SPATA31E1: variants seen among roughly 807,000 people sequenced by gnomAD.
SPATA31E1 encodes SPATA31 subfamily E member 1, also known as spermatogenesis-associated protein 31E1.
SPATA31E1 carries 7 observed loss-of-function variants against 12.9 expected under a neutral mutation model. That is an observed-to-expected ratio of 0.54 (90% CI 0.31 to 1.02). SPATA31E1 has a LOEUF of 1.02. Among genes scored for constraint, SPATA31E1 ranks in the 50% least tolerant of loss-of-function variants. SPATA31E1 has a pLI of 0.05. For missense variants in SPATA31E1, 1,961 were observed against 1,799.8 expected, an observed-to-expected ratio of 1.09 and a Z score of -1.62; for synonymous variants, 771 against 719.0, an observed-to-expected ratio of 1.07 and a Z score of -1.16.
rs781686051 is a variant in SPATA31E1 at position 87,885,981 on chromosome 9, C to T, written c.1494C>T (p.His498=). ...SQLSQAPPQP[H]HMAQPQHFTP... ...TTTCCCAGGCACCGCCCCAGCCCCA[C>T]CACATGGCCCAGCCCCAACATTTCA... The change falls in exon 4 of 4, where the codon CAC becomes CAT. Residue 498 remains histidine, a synonymous_variant. Transcript: ENST00000325643. 3.7e-6 allele frequency: 6 copies of T among 1,613,266 alleles called. No individual in the cohort carries two copies. The highest frequency in any genetic ancestry group is 1.3e-5 in the African/African-American group (1 of 75,002).
chr9:87,888,853 TG>T lies in SPATA31E1; in HGVS notation c.*33del, dbSNP rs776189904. 2.6e-6 allele frequency: 4 copies of T among 1,544,660 alleles called. No individual in the cohort carries two copies. Among genetic ancestry groups the T allele is most frequent in the South Asian group, 1.2e-5 (1 of 83,692 alleles). ...TAGACCAGTCTTCTTGCATGTCTCC[TG>T]GGGGAGACAGGGGGTTCTACTCAAA... On this transcript the variant is annotated 3_prime_UTR_variant, in exon 4 of 4. Transcript: ENST00000325643.
At position 87,888,863 on chromosome 9, in the gene SPATA31E1, A is replaced by G. The variant is rs766112235; in HGVS notation, c.*38A>G. ...TTCTTGCATGTCTCCTGGGGGAGAC[A>G]GGGGGTTCTACTCAAATAAAACTGA... On this transcript the variant is annotated 3_prime_UTR_variant, in exon 4 of 4. Coordinates refer to ENST00000325643, the MANE Select transcript of SPATA31E1 (RefSeq NM_178828.5). 5 of 1,530,512 alleles carry G rather than the reference A, an allele frequency of 3.3e-6. No individual in the cohort carries two copies. Among genetic ancestry groups the G allele is most frequent in the Non-Finnish European group, 4.4e-6 (5 of 1,143,838 alleles). The allele number at this position is 1,530,512 out of a possible 1,614,324, so 94.8% of individuals were successfully genotyped here. A position where few individuals can be genotyped will look rare whatever the true frequency, so the allele number is the denominator to read the frequency against.
Position 87,888,879 on chromosome 9 carries a change from A to G in SPATA31E1, c.*54A>G, listed in dbSNP as rs911902116. The G allele has an allele frequency of 3.4e-6, 5 of 1,477,696 alleles. No homozygotes were observed. Among genetic ancestry groups the G allele is most frequent in the Non-Finnish European group, 3.6e-6 (4 of 1,112,272 alleles). The allele number at this position is 1,477,696 out of a possible 1,614,324, so 91.5% of individuals were successfully genotyped here. On this transcript the variant is annotated 3_prime_UTR_variant, in exon 4 of 4. Transcript: ENST00000325643. ...GGGGGAGACAGGGGGTTCTACTCAAATAAAACTGATGCCTACACAATAAAC... is the reference window on the plus strand; with the variant it reads ...GGGGGAGACAGGGGGTTCTACTCAAGTAAAACTGATGCCTACACAATAAAC...
At position 87,888,771 on chromosome 9, in the gene SPATA31E1, C is replaced by T. The variant is rs1284804037; in HGVS notation, c.4284C>T (p.Gly1428=). 6 of 1,612,652 alleles carry T rather than the reference C, an allele frequency of 3.7e-6. No individual in the cohort carries two copies. In the South Asian group the frequency reaches 5.5e-5, roughly 15 times the overall value. Reference sequence around the variant, plus strand: ...CAAGAATGGCAAGCACCTCGGGCGGCCCCCATCCACAGCTGCAGGAACTGA... The same window carrying T: ...CAAGAATGGCAAGCACCTCGGGCGGTCCCCATCCACAGCTGCAGGAACTGA... ...HRPRMASTSG[G]PHPQLQELMS... is the part of the protein sequence containing the mutation. Residue 1428 remains glycine, a synonymous_variant, in exon 4 of 4, where the codon GGC becomes GGT. Coordinates refer to ENST00000325643, the MANE Select transcript of SPATA31E1 (RefSeq NM_178828.5).
At position 87,886,243 on chromosome 9, in the gene SPATA31E1, A is replaced by C. The variant is rs35232271; in HGVS notation, c.1756A>C (p.Lys586Gln). The C allele has an allele frequency of 6.2e-7, 1 of 1,613,850 alleles. No individual in the cohort carries two copies. The highest frequency in any genetic ancestry group is 8.5e-7 in the Non-Finnish European group (1 of 1,179,992). The change falls in exon 4 of 4, where the codon AAA becomes CAA. Residue 586 changes from lysine to glutamine, a missense_variant. Lys to Gln is a moderately conservative substitution (Grantham distance 53). Transcript: ENST00000325643. ...GAAGAGGGTTTTGCCCTCTCTCCTC[A>C]AAAAGTCTCAGGCTGTTCTGAGCCA... ...KWKRVLPSLL[K>Q]KSQAVLSQPT... is the part of the protein sequence containing the mutation.
Position 87,886,514 on chromosome 9 carries a change from T to C in SPATA31E1, c.2027T>C (p.Leu676Ser). 6.2e-7 allele frequency: 1 copy of C among 1,613,798 alleles called. No homozygotes were observed. The highest frequency in any genetic ancestry group is 1.1e-5 in the South Asian group (1 of 91,076). ...GCAGAAGACACGCAGCAGGCCCTCT[T>C]GCCCTCCCAGCCTTCTGACTTTGCA... ...SQAEDTQQAL[L>S]PSQPSDFAGK... is the part of the protein sequence containing the mutation. Residue 676 changes from leucine to serine, a missense_variant, in exon 4 of 4, where the codon TTG (leucine) becomes TCG (serine). Physicochemically the swap from Leu to Ser is moderately radical, Grantham distance 145 (BLOSUM62 -2). Coordinates refer to ENST00000325643, the MANE Select transcript of SPATA31E1 (RefSeq NM_178828.5).
Position 87,888,011 on chromosome 9 carries a change from G to A in SPATA31E1, c.3524G>A (p.Gly1175Glu). Residue 1175 changes from glycine (G) to glutamate (E), a missense_variant, in exon 4 of 4, where the codon GGG becomes GAG. Gly to Glu is a moderately conservative substitution (Grantham distance 98). Coordinates refer to ENST00000325643, the MANE Select transcript of SPATA31E1 (RefSeq NM_178828.5). The stretch of plus-strand genomic sequence containing the variant: ...CCATGTGCCCTCCTATGGAAGGGAG[G>A]GGACAGTCCAGGGCAGCAGGAGCCT... Reference protein sequence around the residue: ...QGPCALLWKGGDSPGQQEPGS... With the variant: ...QGPCALLWKGEDSPGQQEPGS... 4 of 1,613,242 alleles carry A rather than the reference G, an allele frequency of 2.5e-6. No individual in the cohort carries two copies. Among genetic ancestry groups the A allele is most frequent in the Non-Finnish European group, 3.4e-6 (4 of 1,179,868 alleles).
Position 87,888,684 on chromosome 9 carries a change from C to T in SPATA31E1, c.4197C>T (p.Asp1399=), listed in dbSNP as rs1427833257. The T allele has an allele frequency of 6.2e-7, 1 of 1,613,934 alleles. No individual in the cohort carries two copies. Among genetic ancestry groups the T allele is most frequent in the Non-Finnish European group, 8.5e-7 (1 of 1,180,006 alleles). The change falls in exon 4 of 4, where the codon GAC becomes GAT. Residue 1399 remains aspartate (D), a synonymous_variant. Transcript: ENST00000325643. ...PVKNRGIRDR[D]SSWAPPPREP... ...AAAACAGGGGCATCAGAGACAGAGA[C>T]AGCAGTTGGGCCCCACCTCCCAGGG... is the stretch of plus-strand genomic sequence containing the variant.
chr9:87,884,757 C>T (rs890800299), intron 3 of SPATA31E1, 106 bp downstream of exon 3: 31 of 1,509,838 alleles, frequency 2.1e-5, no homozygotes, highest in Non-Finnish European at 2.7e-5. Context: ...GGGAAGGGGA[C>T]AGGAGGGGAC....
Position 87,887,857 on chromosome 9 carries a change from G to C in SPATA31E1, c.3370G>C (p.Gly1124Arg). The C allele has an allele frequency of 6.2e-7, 1 of 1,613,824 alleles. No homozygotes were observed. The highest frequency in any genetic ancestry group is 8.5e-7 in the Non-Finnish European group (1 of 1,180,032). ...TGCCCCGGGCATCCTCCTCCAGGACGGCGCCACAGGCCTGTGCCTTCCAGG... is the reference window on the plus strand; with the variant it reads ...TGCCCCGGGCATCCTCCTCCAGGACCGCGCCACAGGCCTGTGCCTTCCAGG... ...GRAPGILLQDGATGLCLPGRH... is the reference protein window; with the variant it reads ...GRAPGILLQDRATGLCLPGRH... Residue 1124 changes from glycine to arginine, a missense_variant, in exon 4 of 4, where the codon GGC becomes CGC. Coordinates refer to ENST00000325643, the MANE Select transcript of SPATA31E1 (RefSeq NM_178828.5).
chr9:87,885,231 G>C lies in SPATA31E1; in HGVS notation c.744G>C (p.Pro248=), dbSNP rs370494405. 1 of 1,613,878 alleles carries C rather than the reference G, an allele frequency of 6.2e-7. No individual in the cohort carries two copies. Among genetic ancestry groups the C allele is most frequent in the Non-Finnish European group, 8.5e-7 (1 of 1,180,000 alleles). ...TGGTTTTTCCTCCTTCACCACAGCC[G>C]CATGGTCCCCTGGCCTCCTCTCCAC... The part of the protein sequence containing the change: ...PHVVFPPSPQ[P]HGPLASSPPP... The change falls in exon 4 of 4, where the codon CCG becomes CCC. Residue 248 remains proline, a synonymous_variant. Coordinates refer to ENST00000325643, the MANE Select transcript of SPATA31E1 (RefSeq NM_178828.5).
rs1186883118 is a variant in SPATA31E1, at chr9:87,885,807, C to T, written c.1320C>T (p.Phe440=). ...NHLQQKRSQL[F]WDLPSLNSES... ...TACAGCAGAAACGCAGCCAGCTTTT[C>T]TGGGACCTCCCCTCTCTCAATAGCG... is the stretch of plus-strand genomic sequence containing the variant. The change falls in exon 4 of 4, where the codon TTC becomes TTT. Residue 440 remains phenylalanine (F), a synonymous_variant. Transcript: ENST00000325643. The T allele has an allele frequency of 6.2e-7, 1 of 1,613,848 alleles. No individual in the cohort carries two copies. The highest frequency in any genetic ancestry group is 8.5e-7 in the Non-Finnish European group (1 of 1,180,044).
rs752793705 is a variant in SPATA31E1 at position 87,888,454 on chromosome 9, G to A, written c.3967G>A (p.Val1323Met). 2 of 1,614,056 alleles carry A rather than the reference G, an allele frequency of 1.2e-6. No individual in the cohort carries two copies. Among genetic ancestry groups the A allele is most frequent in the South Asian group, 2.2e-5 (2 of 91,086 alleles). ...ADKAWTISRVVGQILVDKLGL... is the reference protein window; with the variant it reads ...ADKAWTISRVMGQILVDKLGL... ...CAAAGCCTGGACCATCAGCAGAGTTGTGGGACAAATCCTGGTGGACAAACT... is the reference window on the plus strand; with the variant it reads ...CAAAGCCTGGACCATCAGCAGAGTTATGGGACAAATCCTGGTGGACAAACT... Residue 1323 changes from valine (V) to methionine (M), a missense_variant, in exon 4 of 4, where the codon GTG becomes ATG. Val to Met is a conservative substitution (Grantham distance 21, BLOSUM62 1). Coordinates refer to ENST00000325643, the MANE Select transcript of SPATA31E1 (RefSeq NM_178828.5).
Position 87,887,816 on chromosome 9 carries a change from A to T in SPATA31E1, c.3329A>T (p.Glu1110Val). The T allele has an allele frequency of 6.2e-7, 1 of 1,613,896 alleles. No homozygotes were observed. Among genetic ancestry groups the T allele is most frequent in the Non-Finnish European group, 8.5e-7 (1 of 1,180,000 alleles). The change falls in exon 4 of 4, where the codon GAG (glutamate) becomes GTG (valine). Residue 1110 changes from glutamate to valine, a missense_variant. Coordinates refer to ENST00000325643, the MANE Select transcript of SPATA31E1 (RefSeq NM_178828.5). ...CTCATAGTGCAGGTGGACTCAGAGG[A>T]GCAGCTGCCAGGCCGTGCCCCGGGC... ...IALIVQVDSEEQLPGRAPGIL... is the reference protein window; with the variant it reads ...IALIVQVDSEVQLPGRAPGIL...
rs772355971 is a variant in SPATA31E1 at position 87,886,074 on chromosome 9, C to T, written c.1587C>T (p.Pro529=). The T allele has an allele frequency of 5.0e-6, 8 of 1,611,044 alleles. No individual in the cohort carries two copies. Among genetic ancestry groups the T allele is most frequent in the African/African-American group, 1.3e-5 (1 of 74,856 alleles). ...TCCAGACCCAGGCCCACCTCTCACC[C>T]CCTGTCCCAAGCCTGGGGTGCTCTT... is the stretch of plus-strand genomic sequence containing the variant. ...AEIQTQAHLS[P]PVPSLGCSSP... is the part of the protein sequence containing the mutation. Residue 529 remains proline, a synonymous_variant, in exon 4 of 4, where the codon CCC becomes CCT. Coordinates refer to ENST00000325643, the MANE Select transcript of SPATA31E1 (RefSeq NM_178828.5).
Position 87,886,525 on chromosome 9 carries a change from C to A in SPATA31E1, c.2038C>A (p.Pro680Thr). ...DTQQALLPSQ[P>T]SDFAGKGRKD... is the part of the protein sequence containing the mutation. The stretch of plus-strand genomic sequence containing the variant: ...GCAGCAGGCCCTCTTGCCCTCCCAG[C>A]CTTCTGACTTTGCAGGGAAGGGCAG... The change falls in exon 4 of 4, where the codon CCT becomes ACT. Residue 680 changes from proline to threonine, a missense_variant. Pro to Thr is a conservative substitution (Grantham distance 38). Coordinates refer to ENST00000325643, the MANE Select transcript of SPATA31E1 (RefSeq NM_178828.5). 1 of 1,613,958 alleles carries A rather than the reference C, an allele frequency of 6.2e-7. No individual in the cohort carries two copies. Among genetic ancestry groups the A allele is most frequent in the Non-Finnish European group, 8.5e-7 (1 of 1,179,978 alleles).
Position 87,887,258 on chromosome 9 carries a change from C to G in SPATA31E1, c.2771C>G (p.Pro924Arg), listed in dbSNP as rs34051334. ...PTVSGPLAAP[P>R]PEQEGVQRPP... ...GTGAGTGGCCCTCTCGCTGCCCCAC[C>G]GCCTGAGCAGGAGGGAGTCCAGAGG... Residue 924 changes from proline (P) to arginine (R), a missense_variant, in exon 4 of 4, where the codon CCG (proline) becomes CGG (arginine). By Grantham distance (103) the Pro-to-Arg change is moderately radical. Transcript: ENST00000325643. 5.9e-4 allele frequency: 952 copies of G among 1,613,886 alleles called. No homozygotes were observed. The highest frequency in any genetic ancestry group is 7.6e-4 in the Non-Finnish European group (900 of 1,180,040).
At chr9:87,883,334 C>G (rs1181806281) in intron 1 of SPATA31E1, 134 bp downstream of exon 1, 4 of 1,344,826 alleles carry the variant, frequency 3.0e-6, no homozygotes, top group Admixed American at 2.1e-5. Flanking sequence ...AAGGGCAAGG[C>G]AGGCAGGGGT....
chr9:87,886,897 A>C lies in SPATA31E1; in HGVS notation c.2410A>C (p.Lys804Gln). The C allele has an allele frequency of 6.2e-7, 1 of 1,614,108 alleles. No individual in the cohort carries two copies. The highest frequency in any genetic ancestry group is 8.5e-7 in the Non-Finnish European group (1 of 1,180,010). Residue 804 changes from lysine (K) to glutamine (Q), a missense_variant, in exon 4 of 4, where the codon AAA becomes CAA. Transcript: ENST00000325643. ...TGTTCCCAAGTCTGACACCCACAGG[A>C]AACCTGGGAAGCTGGCATCCTGGAG... ...CAVPKSDTHR[K>Q]PGKLASWRGG... is the part of the protein sequence containing the mutation.
Sources: gnomAD v4.1 joint callset for allele counts on GRCh38, gnomAD v4.1.1 for gene constraint, MANE v1.5 for transcripts, NCBI Gene and HGNC (gene_info 2026-07-23, HGNC 2026-07-21) for gene names.